BRCA2: variants seen among roughly 807,000 people sequenced by gnomAD.
BRCA2 encodes the protein breast cancer type 2 susceptibility protein.
In BRCA2, 203 loss-of-function variants were observed where a neutral mutation model predicts 276.7. The observed-to-expected ratio is 0.73, with a 90% CI of 0.65 to 0.82. The LOEUF (loss-of-function observed/expected upper bound fraction) is 0.82, where lower values mean the gene tolerates loss of function less well. BRCA2 is among the 40% of genes least tolerant of loss of function. The pLI, the probability that BRCA2 is intolerant of heterozygous loss-of-function variation, is 0.00. For synonymous variants in BRCA2, 1,289 were observed against 1,338.4 expected, an observed-to-expected ratio of 0.96 and a Z score of 0.81; for missense variants, 3,920 against 3,915.0, an observed-to-expected ratio of 1.00 and a Z score of -0.03.
intron 18 of BRCA2, among the ~76,000 whole-genome samples, chr13:32,364,044 G>A (rs1383950663): frequency 6.6e-6 from 1 of 152,026 alleles, no homozygotes; most frequent in Non-Finnish European, 1.5e-5. Flanking sequence ...TTACTTCTGT[G>A]GTATTCTGGA....
In BRCA2 at chr13:32,356,555, C is replaced by A. The variant is rs786204282; in HGVS notation, c.7563C>A (p.Ile2521=). The A allele has an allele frequency of 5.6e-6, 9 of 1,614,218 alleles. No homozygotes were observed. In the Middle Eastern group the frequency reaches 4.9e-4, roughly 89 times the overall value. Reference sequence around the variant, plus strand: ...CAAAAACATCCACTCTGCCTCGAATCTCTCTGAAAGCAGCAGTAGGAGGCC... The same window carrying A: ...CAAAAACATCCACTCTGCCTCGAATATCTCTGAAAGCAGCAGTAGGAGGCC... The part of the protein sequence containing the change: ...YLAKTSTLPR[I]SLKAAVGGQV... The change falls in exon 15 of 27, where the codon ATC becomes ATA. Residue 2521 remains isoleucine (I), a synonymous_variant. Transcript: ENST00000380152.
At chr13:32,379,568 C>T (rs1158257180) in intron 22 of BRCA2, 53 bp downstream of exon 22, 1 of 1,579,130 alleles carries the variant, frequency 6.3e-7, no homozygotes. Flanking sequence ...AAAAAATGAC[C>T]TTACTAACAA....
intron 14 of BRCA2, 36 bp from the exon 15 acceptor site, chr13:32,356,392 C>A (rs766055292): frequency 6.2e-7 from 1 of 1,601,132 alleles, no homozygotes; most frequent in Non-Finnish European, 8.6e-7. Flanking sequence ...TTTTAAATTT[C>A]AATTTTATTT....
At position 32,359,327 on chromosome 13, in the gene BRCA2, A is replaced by C. The variant is rs536609119; in HGVS notation, c.7805+1398A>C. On this transcript the variant is annotated intron_variant, in intron 16 of 26. Coordinates refer to ENST00000380152, the MANE Select transcript of BRCA2 (RefSeq NM_000059.4). ...ATGTTTTCTTTCATTATATATTTTA[A>C]TGGATACAAAATATAAATAAACACT... Among the ~76,000 whole-genome samples the C allele has an allele frequency of 1.2e-4, 19 of 152,200 alleles. No individual in the cohort carries two copies. In the South Asian group the frequency reaches 3.9e-3, roughly 32 times the overall value.
At position 32,331,073 on chromosome 13, in the gene BRCA2, G is replaced by A. The variant is rs377590893; in HGVS notation, c.793+43G>A. 6.3e-6 allele frequency: 9 copies of A among 1,434,692 alleles called. No homozygotes were observed. The African/African-American group carries it at 1.1e-4, about 18-fold the overall frequency. 88.9% of individuals were successfully genotyped at this position (1,434,692 alleles called of 1,614,324 possible). A position where few individuals can be genotyped will look rare whatever the true frequency, so the allele number is the denominator to read the frequency against. ...TTGAACTACAGGTTTTTTTGTTGTTGTTGTTTTGATTTTTTTTTTTTGAGG... is the reference window on the plus strand; with the variant it reads ...TTGAACTACAGGTTTTTTTGTTGTTATTGTTTTGATTTTTTTTTTTTGAGG... On this transcript the variant is annotated intron_variant, in intron 9 of 26. Transcript: ENST00000380152.
At chr13:32,352,892 T>C (rs1240043476) in intron 13 of BRCA2, among the ~76,000 whole-genome samples, 2 of 152,182 alleles carry the variant, frequency 1.3e-5, no homozygotes, top group Non-Finnish European at 2.9e-5. Context: ...TAGTGATAAG[T>C]TGAGACTGGC....
intron 25 of BRCA2, chr13:32,396,220 C>T (rs1364402635): frequency 6.2e-6 from 1 of 162,268 alleles, no homozygotes; most frequent in Non-Finnish European, 1.3e-5. Context: ...GTGATCTGCC[C>T]ACCTTGGCCT....
At position 32,333,070 on chromosome 13, in the gene BRCA2, A is replaced by G. The variant is rs876658771; in HGVS notation, c.1592A>G (p.Lys531Arg). 1 of 1,610,538 alleles carries G rather than the reference A, an allele frequency of 6.2e-7. No homozygotes were observed. The highest frequency in any genetic ancestry group is 1.3e-5 in the African/African-American group (1 of 74,582). ...CATATGACTGATCCAAACTTTAAAA[A>G]AGAAACTGAAGCCTCTGAAAGTGGA... is the stretch of plus-strand genomic sequence containing the variant. ...SGHMTDPNFK[K>R]ETEASESGLE... Residue 531 changes from lysine (K) to arginine (R), a missense_variant, in exon 10 of 27, where the codon AAA (lysine) becomes AGA (arginine). By Grantham distance (26) the Lys-to-Arg change is conservative. Coordinates refer to ENST00000380152, the MANE Select transcript of BRCA2 (RefSeq NM_000059.4).
rs2072603286 is a variant in BRCA2 at position 32,345,213 on chromosome 13, T to C, written c.6937+560T>C. On this transcript the variant is annotated intron_variant, in intron 12 of 26. Coordinates refer to ENST00000380152, the MANE Select transcript of BRCA2 (RefSeq NM_000059.4). ...CCGAATACCCAAGTCTGAATAACTA[T>C]AGTTTGTTGGTTATTCTTTCAAGTA... 3.9e-5 allele frequency among the ~76,000 whole-genome samples: 6 copies of C among 152,152 alleles called. No homozygotes were observed. The South Asian group carries it at 1.0e-3, about 26-fold the overall frequency.
intron 21 of BRCA2, among the ~76,000 whole-genome samples, chr13:32,378,287 C>A (rs1282434934): frequency 6.6e-6 from 1 of 152,154 alleles, no homozygotes; most frequent in African/African-American, 2.4e-5. Context: ...TCATTTCCAC[C>A]TTCTATCAAG....
In BRCA2 at chr13:32,363,351, G is replaced by A. The variant is rs28897747; in HGVS notation, c.8149G>A (p.Ala2717Thr). Residue 2717 changes from alanine (A) to threonine (T), a missense_variant, in exon 18 of 27, where the codon GCC becomes ACC. Ala to Thr is a moderately conservative substitution (Grantham distance 58). This residue lies in a region of BRCA2 where 3,263 missense variants were observed against 3,156.9 expected (regional missense o/e 1.03). Coordinates refer to ENST00000380152, the MANE Select transcript of BRCA2 (RefSeq NM_000059.4). ...KTSSADTQKVAIIELTDGWYA... is the reference protein window; with the variant it reads ...KTSSADTQKVTIIELTDGWYA... ...TAGTAGTGCAGATACCCAAAAAGTG[G>A]CCATTATTGAACTTACAGATGGGTG... The A allele has an allele frequency of 2.5e-6, 4 of 1,613,992 alleles. No individual in the cohort carries two copies. Among genetic ancestry groups the A allele is most frequent in the South Asian group, 1.1e-5 (1 of 91,086 alleles).
chr13:32,383,018 T>C (rs1173872997), intron 24 of BRCA2, among the ~76,000 whole-genome samples: 1 of 151,372 alleles, frequency 6.6e-6, no homozygotes, highest in African/African-American at 2.4e-5. Context: ...TTTTGATTGC[T>C]CTATTTCCTC....
chr13:32,319,277 C>G lies in BRCA2; in HGVS notation c.268C>G (p.Leu90Val). The change falls in exon 3 of 27, where the codon CTG becomes GTG. Residue 90 changes from leucine (L) to valine (V), a missense_variant. Physicochemically the swap from Leu to Val is conservative, Grantham distance 32. Coordinates refer to ENST00000380152, the MANE Select transcript of BRCA2 (RefSeq NM_000059.4). ...IFKEQGLTLP[L>V]YQSPVKELDK... ...CAAAGAGCAAGGGCTGACTCTGCCG[C>G]TGTACCAATCTCCTGTAAAAGAATT... 1 of 1,613,880 alleles carries G rather than the reference C, an allele frequency of 6.2e-7. No homozygotes were observed. The highest frequency in any genetic ancestry group is 1.3e-5 in the African/African-American group (1 of 75,038).
chr13:32,385,079 A>G, intron 24 of BRCA2: 1 of 283,114 alleles, frequency 3.5e-6, no homozygotes, highest in Non-Finnish European at 7.3e-6. Flanking sequence ...GAATGTCCAG[A>G]GATGGACTGT....
chr13:32,336,174 C>A (rs2137481227), intron 10 of BRCA2, 91 bp from the exon 11 acceptor site: 1 of 1,407,428 alleles, frequency 7.1e-7, no homozygotes. Flanking sequence ...AGCCACTGTG[C>A]CCAAACACTA....
chr13:32,331,082 A>ATT (rs751977993), intron 9 of BRCA2, 52 bp downstream of exon 9: 265 of 1,083,858 alleles, frequency 2.4e-4, no homozygotes, highest in Middle Eastern at 7.3e-4. Flanking sequence ...TGTTGTTTTG[A>ATT]TTTTTTTTTT....
In BRCA2 at chr13:32,339,493, ATTAT is replaced by A. The variant is rs80359487; in HGVS notation, c.5141_5144del (p.Tyr1714CysfsTer10). 3 of 1,583,698 alleles carry A rather than the reference ATTAT, an allele frequency of 1.9e-6. No homozygotes were observed. Among genetic ancestry groups the A allele is most frequent in the Non-Finnish European group, 2.6e-6 (3 of 1,167,444 alleles). On this transcript the variant is annotated frameshift_variant, in exon 11 of 27. Transcript: ENST00000380152. LOFTEE classifies it high-confidence loss of function. ...ATAAATACTGCAGATTATGTAGGAA[ATTAT>A]TTGTATGAAAATAATTCAAACAGTA...
intron 20 of BRCA2, among the ~76,000 whole-genome samples, chr13:32,374,573 G>A (rs1470271074): frequency 6.6e-6 from 1 of 152,140 alleles, no homozygotes; most frequent in African/African-American, 2.4e-5. Context: ...TCTAGCGCAG[G>A]GGCAAAATGC....
chr13:32,324,333 C>G (rs1179627768), intron 3 of BRCA2, among the ~76,000 whole-genome samples: 1 of 152,096 alleles, frequency 6.6e-6, no homozygotes, highest in African/African-American at 2.4e-5. Context: ...GTACAAAGTC[C>G]TAGAGGTTAA....
Sources: allele counts gnomAD v4.1 joint callset (sites outside exome capture counted in the v4.1 genomes callset), GRCh38; gene constraint gnomAD v4.1.1; regional missense constraint gnomAD v4.1.1; transcripts MANE v1.5; gene names NCBI Gene and HGNC (gene_info 2026-07-23, HGNC 2026-07-21).